The following PPP1R12B variants were observed in gnomAD, a reference collection of about 807,000 sequenced individuals.
The protein encoded by PPP1R12B is myosin phosphatase target subunit 2.
PPP1R12B carries 76 observed loss-of-function variants against 126.1 expected under a neutral mutation model. That is an observed-to-expected ratio of 0.60 (90% confidence interval 0.50 to 0.73). The LOEUF (loss-of-function observed/expected upper bound fraction) is 0.73, where lower values mean the gene tolerates loss of function less well. PPP1R12B is among the 30% of genes least tolerant of loss of function. The pLI, the probability that PPP1R12B is intolerant of heterozygous loss-of-function variation, is 0.00. For synonymous variants in PPP1R12B, 356 were observed against 434.7 expected (o/e 0.82, Z 2.25); for missense variants, 1,052 against 1,205.1 (o/e 0.87, Z 1.88).
chr1:202,390,958 A>G (rs920641559), intron 1 of PPP1R12B, among the ~76,000 whole-genome samples: 1 of 152,140 alleles, frequency 6.6e-6, no homozygotes, highest in African/African-American at 2.4e-5. Context: ...CAGCTGCTGG[A>G]GAGGTTCAGG....
rs553291020 is a variant in PPP1R12B, at chr1:202,590,063, C to T, written c.*9503C>T. 2.6e-5 allele frequency: 4 copies of T among 152,310 alleles called. No individual in the cohort carries two copies. The highest frequency in any genetic ancestry group is 1.3e-4 in the Admixed American group (2 of 15,300). The allele number at this position is 152,310 out of a possible 1,614,324, so 9.4% of individuals were successfully genotyped here. ...CTCCCTTTCCCTAAAAATTCTGACG[C>T]CCTATCCCTGGTCCCTAACATCTTT... On this transcript the variant is annotated 3_prime_UTR_variant, in exon 24 of 24. Transcript: ENST00000608999.
intron 12 of PPP1R12B, among the ~76,000 whole-genome samples, chr1:202,444,800 CTT>C (rs1217414997): frequency 6.6e-6 from 1 of 152,196 alleles, no homozygotes; most frequent in Non-Finnish European, 1.5e-5. Context: ...TTCCTTCACT[CTT>C]TTGGATGATT....
At chr1:202,396,379 C>T (rs986106792) in intron 1 of PPP1R12B, among the ~76,000 whole-genome samples, 3 of 152,020 alleles carry the variant, frequency 2.0e-5, no homozygotes, top group African/African-American at 7.2e-5. Flanking sequence ...ATCTTATTAG[C>T]TTGCCAGGAG....
intron 18 of PPP1R12B, among the ~76,000 whole-genome samples, chr1:202,536,765 T>G (rs1177754887): frequency 6.6e-6 from 1 of 152,146 alleles, no homozygotes; most frequent in African/African-American, 2.4e-5. Context: ...CTATAAGCTT[T>G]TATCTGTTTT....
chr1:202,386,156 A>G (rs149122805), intron 1 of PPP1R12B, among the ~76,000 whole-genome samples: 7 of 151,554 alleles, frequency 4.6e-5, no homozygotes, highest in Non-Finnish European at 8.8e-5. Context: ...GATAGTCTCA[A>G]TCTCCTGACC....
At position 202,564,428 on chromosome 1, in the gene PPP1R12B, T is replaced by C. The variant is rs1184413035; in HGVS notation, c.2653-15T>C. On this transcript the variant is annotated splice_polypyrimidine_tract_variant and intron_variant, in intron 20 of 23. Coordinates refer to ENST00000608999, the MANE Select transcript of PPP1R12B (RefSeq NM_002481.4). The stretch of plus-strand genomic sequence containing the variant: ...CTAACGCGAACGCTGATCCTCTTTT[T>C]TCCCTCTCCTCTAGCTCTATGAGAG... The C allele has an allele frequency of 6.3e-7, 1 of 1,585,338 alleles. No individual in the cohort carries two copies. The highest frequency in any genetic ancestry group is 8.6e-7 in the Non-Finnish European group (1 of 1,157,024).
rs1423802549 is a variant in PPP1R12B at position 202,361,328 on chromosome 1, G to A, written c.291+12186G>A. 2.0e-5 allele frequency among the ~76,000 whole-genome samples: 3 copies of A among 152,218 alleles called. No homozygotes were observed. In the East Asian group the frequency reaches 5.8e-4, roughly 29 times the overall value. ...CTGCAGGCTATACAGGAAGCATGAG[G>A]CCAGCATCTGCTCATGGTGAGGGCC... is the stretch of plus-strand genomic sequence containing the variant. On this transcript the variant is annotated intron_variant, in intron 1 of 23. Coordinates refer to ENST00000608999, the MANE Select transcript of PPP1R12B (RefSeq NM_002481.4).
At chr1:202,370,429 AAT>A (rs1295476493) in intron 1 of PPP1R12B, among the ~76,000 whole-genome samples, 2 of 152,130 alleles carry the variant, frequency 1.3e-5, no homozygotes, top group African/African-American at 4.8e-5. Context: ...TGCTATTATG[AAT>A]AAAGATGATA....
intron 1 of PPP1R12B, among the ~76,000 whole-genome samples, chr1:202,396,535 C>T (rs1459309546): frequency 6.6e-6 from 1 of 152,142 alleles, no homozygotes; most frequent in Non-Finnish European, 1.5e-5. Flanking sequence ...ATTGCTCCTA[C>T]CACTACCTCT....
At chr1:202,509,171 A>G (rs1681151370) in intron 18 of PPP1R12B, among the ~76,000 whole-genome samples, 1 of 149,950 alleles carries the variant, frequency 6.7e-6, no homozygotes, top group Non-Finnish European at 1.5e-5. Flanking sequence ...CTCTCATCCA[A>G]GCACTTCTCT....
At chr1:202,453,013 A>G (rs1673205026) in intron 13 of PPP1R12B, among the ~76,000 whole-genome samples, 1 of 152,066 alleles carries the variant, frequency 6.6e-6, no homozygotes, top group East Asian at 1.9e-4. Flanking sequence ...TTCCAGCACT[A>G]TATTGAATAA....
intron 12 of PPP1R12B, among the ~76,000 whole-genome samples, chr1:202,448,750 G>A (rs1394881382): frequency 6.6e-6 from 1 of 152,090 alleles, no homozygotes; most frequent in East Asian, 1.9e-4. Context: ...CAAAATCTCA[G>A]GCACACACAT....
At chr1:202,525,005 A>C (rs1003880018) in intron 18 of PPP1R12B, among the ~76,000 whole-genome samples, 4 of 152,046 alleles carry the variant, frequency 2.6e-5, no homozygotes, top group Non-Finnish European at 4.4e-5. Context: ...CAGCCTCCCG[A>C]ATAGCTGGGA....
intron 13 of PPP1R12B, among the ~76,000 whole-genome samples, chr1:202,464,717 G>A (rs557402415): frequency 6.6e-6 from 1 of 152,138 alleles, no homozygotes; most frequent in Non-Finnish European, 1.5e-5. Context: ...GATCTATAGG[G>A]AATATTAGAT....
At chr1:202,414,240 A>G (rs1006215777) in intron 1 of PPP1R12B, among the ~76,000 whole-genome samples, 19 of 152,152 alleles carry the variant, frequency 1.2e-4, no homozygotes, top group Non-Finnish European at 2.8e-4. Flanking sequence ...TCTTAAATGT[A>G]AGTTTTAGAA....
chr1:202,456,268 CA>C (rs549174599), intron 13 of PPP1R12B, among the ~76,000 whole-genome samples: 154 of 110,896 alleles, frequency 1.4e-3, no homozygotes, highest in Admixed American at 1.0e-3. Context: ...GAATCCGTCT[CA>C]AAAAAAAAAA....
intron 13 of PPP1R12B, among the ~76,000 whole-genome samples, chr1:202,474,524 C>G (rs1047241686): frequency 6.6e-6 from 1 of 152,056 alleles, no homozygotes; most frequent in Non-Finnish European, 1.5e-5. Flanking sequence ...GTAATCTGCC[C>G]GCCTCGGCCT....
intron 18 of PPP1R12B, among the ~76,000 whole-genome samples, chr1:202,497,794 G>A (rs1365094192): frequency 5.9e-5 from 9 of 152,188 alleles, no homozygotes. Context: ...CTTGGGGCAC[G>A]AGTGTGTGCC....
intron 10 of PPP1R12B, 118 bp from the exon 11 acceptor site, chr1:202,440,588 G>A: frequency 1.5e-6 from 1 of 667,468 alleles, no homozygotes; most frequent in Non-Finnish European, 2.5e-6. Context: ...AATAGAATTA[G>A]TGTTGGATCC....
Sources: gnomAD v4.1 joint callset for allele counts (sites outside exome capture counted in the v4.1 genomes callset) on GRCh38, gnomAD v4.1.1 for gene constraint, MANE v1.5 for transcripts, NCBI Gene and HGNC (gene_info 2026-07-23, HGNC 2026-07-21) for gene names.